The following UGT3A1 variants were observed in gnomAD, a reference collection of about 807,000 sequenced individuals.
The protein encoded by UGT3A1 is UDP glycosyltransferase family 3 member A1.
Under a neutral mutation model 37.6 loss-of-function variants are expected in UGT3A1, and 40 were observed. The ratio of observed to expected loss-of-function variants is 1.06; its 90% CI spans 0.83 to 1.38. The LOEUF (loss-of-function observed/expected upper bound fraction) is 1.38, where lower values mean the gene tolerates loss of function less well. Among genes scored for constraint, UGT3A1 ranks in the 40% most tolerant of loss-of-function variants. The pLI, the probability that UGT3A1 is intolerant of heterozygous loss-of-function variation, is 0.00. For missense variants in UGT3A1, 642 were observed against 634.2 expected (o/e 1.01, Z -0.13); for synonymous variants, 256 against 232.3 (o/e 1.10, Z -0.93).
At chr5:36,000,426 T>C (rs571307679) in intron 1 of UGT3A1, among the ~76,000 whole-genome samples, 3 of 152,318 alleles carry the variant, frequency 2.0e-5, no homozygotes, top group African/African-American at 7.2e-5. Context: ...GGAAAAGACA[T>C]CTAATAAAGG....
intron 2 of UGT3A1, among the ~76,000 whole-genome samples, chr5:35,976,533 T>C (rs570045130): frequency 2.6e-5 from 4 of 152,272 alleles, no homozygotes; most frequent in Admixed American, 6.5e-5. Flanking sequence ...GCACTTCTAG[T>C]TGCTAACCCA....
rs1308628108 is a variant in UGT3A1, at chr5:35,998,938, A to G, written c.-159-1609T>C. Among the ~76,000 whole-genome samples the G allele has an allele frequency of 2.6e-5, 4 of 152,182 alleles. No individual in the cohort carries two copies. The East Asian group carries it at 7.7e-4, about 29-fold the overall frequency. On this transcript the variant is annotated intron_variant, in intron 1 of 5. Transcript: ENST00000625798. ...ATATTTAACCTCCTCAAAGCAACCC[A>G]TAAAAAATGTACAATAGGCCGAGCG...
chr5:35,966,772 C>G (rs975631687), intron 3 of UGT3A1, among the ~76,000 whole-genome samples: 2 of 152,138 alleles, frequency 1.3e-5, no homozygotes, highest in African/African-American at 4.8e-5. Context: ...ATGGAAGAAG[C>G]AATAGCCCAG....
Position 35,957,241 on chromosome 5 carries a change from T to C in UGT3A1, c.1022A>G (p.His341Arg), listed in dbSNP as rs778041039. 2 of 1,614,016 alleles carry C rather than the reference T, an allele frequency of 1.2e-6. No individual in the cohort carries two copies. The highest frequency in any genetic ancestry group is 1.3e-5 in the African/African-American group (1 of 74,906). Reference protein sequence around the residue: ...CQSSHWPRDVHLATNVKIVDW... With the variant: ...CQSSHWPRDVRLATNVKIVDW... ...CACAATTTTCACATTTGTGGCCAAATGAACATCTCTGGGCCAATGAGAACT... is the reference window on the plus strand; with the variant it reads ...CACAATTTTCACATTTGTGGCCAAACGAACATCTCTGGGCCAATGAGAACT... Residue 341 changes from histidine (H) to arginine (R), a missense_variant, in exon 5 of 7, where the codon CAT becomes CGT. By Grantham distance (29) the His-to-Arg change is conservative (BLOSUM62 0). Transcript: ENST00000274278.
intron 1 of UGT3A1, among the ~76,000 whole-genome samples, chr5:36,000,331 G>C (rs1339249854): frequency 6.6e-6 from 1 of 152,220 alleles, no homozygotes; most frequent in African/African-American, 2.4e-5. Context: ...AAAAAGCCAA[G>C]ATTTAGTAAA....
chr5:35,970,975 AC>A (rs1740011738), intron 2 of UGT3A1, among the ~76,000 whole-genome samples: 1 of 152,150 alleles, frequency 6.6e-6, no homozygotes, highest in Non-Finnish European at 1.5e-5. Flanking sequence ...ACTAACAAAT[AC>A]TTTGCAATCA....
intron 2 of UGT3A1, among the ~76,000 whole-genome samples, chr5:35,974,064 A>C (rs1206669843): frequency 2.0e-5 from 3 of 152,196 alleles, no homozygotes. Flanking sequence ...TGGACACAGA[A>C]GCCCTGGAAA....
At chr5:35,972,513 G>T (rs1240750629) in intron 2 of UGT3A1, among the ~76,000 whole-genome samples, 2 of 151,600 alleles carry the variant, frequency 1.3e-5, no homozygotes, top group Non-Finnish European at 2.9e-5. Flanking sequence ...GTGTGTGTGT[G>T]TGTGTGTGTG....
At chr5:35,969,980 T>A (rs558695399) in intron 2 of UGT3A1, among the ~76,000 whole-genome samples, 1 of 152,266 alleles carries the variant, frequency 6.6e-6, no homozygotes, top group Non-Finnish European at 1.5e-5. Context: ...CAGTTCCACA[T>A]GGCTGAGGAG....
chr5:35,974,301 C>T (rs547384594), intron 2 of UGT3A1, among the ~76,000 whole-genome samples: 1 of 152,188 alleles, frequency 6.6e-6, no homozygotes, highest in East Asian at 1.9e-4. Context: ...GTGATTATTT[C>T]CCCAGATTTG....
intron 4 of UGT3A1, among the ~76,000 whole-genome samples, chr5:35,957,671 A>AT (rs1275791316): frequency 2.6e-5 from 4 of 152,074 alleles, no homozygotes; most frequent in Non-Finnish European, 4.4e-5. Flanking sequence ...TAAATTTGTG[A>AT]TTTTTTTAAG....
intron 2 of UGT3A1, among the ~76,000 whole-genome samples, chr5:35,981,066 G>A (rs1426179457): frequency 6.6e-6 from 1 of 152,184 alleles, no homozygotes; most frequent in Non-Finnish European, 1.5e-5. Context: ...AGCCCATGAA[G>A]ATCACTGATG....
chr5:35,973,052 T>G (rs1740114071), intron 2 of UGT3A1, among the ~76,000 whole-genome samples: 1 of 152,068 alleles, frequency 6.6e-6, no homozygotes, highest in South Asian at 2.1e-4. Context: ...AAAACTGAGA[T>G]AGGGACATAT....
rs976697706 is a variant in UGT3A1 at position 35,971,460 on chromosome 5, G to A, written c.197-3327C>T. 3.4e-5 allele frequency among the ~76,000 whole-genome samples: 4 copies of A among 117,504 alleles called. No homozygotes were observed. The South Asian group carries it at 9.9e-4, about 29-fold the overall frequency. 77.1% of individuals were successfully genotyped at this position (117,504 alleles called of 152,430 possible). A position where few individuals can be genotyped will look rare whatever the true frequency, so the allele number is the denominator to read the frequency against. On this transcript the variant is annotated intron_variant, in intron 2 of 6. Coordinates refer to ENST00000274278, the MANE Select transcript of UGT3A1 (RefSeq NM_152404.4). ...ACCAAAACTGGTGAAAATGACACACGCATACACACACACACACACACACAC... is the reference window on the plus strand; with the variant it reads ...ACCAAAACTGGTGAAAATGACACACACATACACACACACACACACACACAC...
In UGT3A1 at chr5:35,954,604, C is replaced by A. The variant is rs1580911157; in HGVS notation, c.1296-126G>T. On this transcript the variant is annotated intron_variant, in intron 6 of 6. Transcript: ENST00000274278. ...TAACACATGCACCAAGGCTGGGCTG[C>A]AAAGAAAATTTGTTGGCATGGCCTT... is the stretch of plus-strand genomic sequence containing the variant. 9 of 1,266,960 alleles carry A rather than the reference C, an allele frequency of 7.1e-6. No individual in the cohort carries two copies. The East Asian group carries it at 2.3e-4, about 32-fold the overall frequency. The allele number at this position is 1,266,960 out of a possible 1,614,324, so 78.5% of individuals were successfully genotyped here. A position where few individuals can be genotyped will look rare whatever the true frequency, so the allele number is the denominator to read the frequency against.
chr5:35,981,856 C>T (rs189018313), intron 2 of UGT3A1, among the ~76,000 whole-genome samples: 2 of 152,324 alleles, frequency 1.3e-5, no homozygotes, highest in Non-Finnish European at 2.9e-5. Flanking sequence ...CAATCACAGG[C>T]CCAGAGGCCT....
intron 4 of UGT3A1, 70 bp from the exon 5 acceptor site, chr5:35,957,489 C>T: frequency 7.7e-7 from 1 of 1,299,500 alleles, no homozygotes; most frequent in Admixed American, 2.0e-5. Context: ...AAATGAAACC[C>T]AGTCTATTTA....
rs1042377688 is a variant in UGT3A1 at position 35,976,651 on chromosome 5, G to T, written c.197-8518C>A. Among the ~76,000 whole-genome samples, 8 of 152,120 alleles carry T rather than the reference G, an allele frequency of 5.3e-5. 1 individual carries two copies. Among genetic ancestry groups the T allele is most frequent in the East Asian group, 3.9e-4 (2 of 5,158 alleles). ...GGCCAGAAGTTTGAGGTCAGCCTGG[G>T]CAACATAGTGAGATACCGACTCTAC... On this transcript the variant is annotated intron_variant, in intron 2 of 6. Transcript: ENST00000274278.
Position 35,965,455 on chromosome 5 carries a change from G to T in UGT3A1, c.774C>A (p.Ala258=). ...AAACAGTGTTGGGAAGCAGGGGCCG[G>T]GCAAAATCAAAGGCAAAATCAGAGT... ...FVNSDFAFDF[A]RPLLPNTVYI... Residue 258 remains alanine (A), a synonymous_variant, in exon 4 of 7, where the codon GCC becomes GCA. Coordinates refer to ENST00000274278, the MANE Select transcript of UGT3A1 (RefSeq NM_152404.4). The T allele has an allele frequency of 6.2e-7, 1 of 1,614,136 alleles. No homozygotes were observed. The highest frequency in any genetic ancestry group is 8.5e-7 in the Non-Finnish European group (1 of 1,180,016).
Sources: allele counts gnomAD v4.1 joint callset (sites outside exome capture counted in the v4.1 genomes callset), GRCh38; gene constraint gnomAD v4.1.1; transcripts MANE v1.5; gene names NCBI Gene and HGNC (gene_info 2026-07-23, HGNC 2026-07-21).